LMAN2L: variants seen among roughly 807,000 people sequenced by gnomAD.
LMAN2L encodes VIP36-like protein.
Under a neutral mutation model 44.3 loss-of-function variants are expected in LMAN2L, and 30 were observed. The observed-to-expected ratio is 0.68, with a 90% CI of 0.51 to 0.92. LMAN2L has a LOEUF of 0.92. LMAN2L is among the 40% of genes least tolerant of loss of function. LMAN2L has a pLI of 0.00. For missense variants in LMAN2L, 429 were observed against 446.1 expected (o/e 0.96, Z 0.35); for synonymous variants, 183 against 171.1 (o/e 1.07, Z -0.54).
intron 4 of LMAN2L, among the ~76,000 whole-genome samples, chr2:96,724,476 ATCT>A (rs1464826835): frequency 6.6e-6 from 1 of 152,162 alleles, no homozygotes; most frequent in East Asian, 1.9e-4. Flanking sequence ...ATTTACATGG[ATCT>A]TCTTTAATTT....
intron 4 of LMAN2L, among the ~76,000 whole-genome samples, chr2:96,731,003 C>T (rs527779472): frequency 9.9e-5 from 15 of 152,258 alleles, no homozygotes; most frequent in African/African-American, 2.4e-4. Context: ...CTTAGGACCT[C>T]GGCTTTTTTC....
chr2:96,737,321 G>C, intron 2 of LMAN2L: 1 of 360,532 alleles, frequency 2.8e-6, no homozygotes, highest in Non-Finnish European at 5.3e-6. Flanking sequence ...GAAATAACAA[G>C]ATGGGGATGC....
At chr2:96,732,731 G>C (rs566225041) in intron 4 of LMAN2L, among the ~76,000 whole-genome samples, 11 of 150,862 alleles carry the variant, frequency 7.3e-5, no homozygotes, top group African/African-American at 2.4e-4. Context: ...CAGATACTAG[G>C]TTCCAACAAA....
At chr2:96,730,276 C>T (rs985117571) in intron 4 of LMAN2L, among the ~76,000 whole-genome samples, 2 of 152,078 alleles carry the variant, frequency 1.3e-5, no homozygotes, top group Non-Finnish European at 2.9e-5. Flanking sequence ...CCATTTCTAA[C>T]TACCACTATT....
intron 4 of LMAN2L, among the ~76,000 whole-genome samples, chr2:96,713,419 C>G (rs1332650939): frequency 6.6e-6 from 1 of 152,180 alleles, no homozygotes; most frequent in Non-Finnish European, 1.5e-5. Flanking sequence ...CCTAGGAAGA[C>G]CGCTCTAACC....
intron 2 of LMAN2L, among the ~76,000 whole-genome samples, chr2:96,735,582 T>C (rs1394904481): frequency 6.6e-6 from 1 of 152,174 alleles, no homozygotes; most frequent in East Asian, 1.9e-4. Context: ...CTCACGCCTG[T>C]AATCCCAGCA....
intron 6 of LMAN2L, among the ~76,000 whole-genome samples, chr2:96,710,534 C>T (rs1413402777): frequency 1.3e-5 from 2 of 151,964 alleles, no homozygotes; most frequent in African/African-American, 2.4e-5. Flanking sequence ...GGCGTGGTGG[C>T]GCGCCTGTAG....
Position 96,711,940 on chromosome 2 carries a change from C to T in LMAN2L, c.593G>A (p.Gly198Glu), listed in dbSNP as rs753320593. Residue 198 changes from glycine (G) to glutamate (E), a missense_variant, in exon 5 of 8, where the codon GGA becomes GAA. Coordinates refer to ENST00000264963, the MANE Select transcript of LMAN2L (RefSeq NM_030805.4). ...ATTGCGGACAATGGCTGTGCAGCCT[C>T]CCAGCTCTGTAGGCCGCCCATCCCG... is the stretch of plus-strand genomic sequence containing the variant. ...HERDGRPTEL[G>E]GCTAIVRNLH... The T allele has an allele frequency of 3.7e-6, 6 of 1,614,040 alleles. No homozygotes were observed. Among genetic ancestry groups the T allele is most frequent in the African/African-American group, 2.7e-5 (2 of 74,924 alleles).
At chr2:96,724,015 C>T (rs1183733053) in intron 4 of LMAN2L, among the ~76,000 whole-genome samples, 1 of 151,478 alleles carries the variant, frequency 6.6e-6, no homozygotes, top group South Asian at 2.1e-4. Context: ...AGGAGAATGG[C>T]GTGAACCCAG....
chr2:96,739,112 A>G (rs1407822239), intron 1 of LMAN2L, among the ~76,000 whole-genome samples: 2 of 152,236 alleles, frequency 1.3e-5, no homozygotes, highest in African/African-American at 4.8e-5. Context: ...AACTTCTTTA[A>G]GAATGAAAAC....
chr2:96,714,405 G>A (rs916413425), intron 4 of LMAN2L, among the ~76,000 whole-genome samples: 5 of 152,206 alleles, frequency 3.3e-5, no homozygotes, highest in Admixed American at 1.3e-4. Context: ...ATCCCCTGCC[G>A]TCCTCCTCTT....
intron 2 of LMAN2L, among the ~76,000 whole-genome samples, chr2:96,735,096 C>G (rs999511903): frequency 1.1e-4 from 16 of 152,190 alleles, no homozygotes; most frequent in Non-Finnish European, 1.6e-4. Context: ...CCAGAATTCT[C>G]ACAAGAAGAG....
chr2:96,720,806 G>T (rs1235031823), intron 4 of LMAN2L, among the ~76,000 whole-genome samples: 1 of 152,058 alleles, frequency 6.6e-6, no homozygotes, highest in Non-Finnish European at 1.5e-5. Context: ...AGGCGTGGTG[G>T]CAGGCACCTG....
At chr2:96,714,912 G>A (rs1202751466) in intron 4 of LMAN2L, among the ~76,000 whole-genome samples, 7 of 152,068 alleles carry the variant, frequency 4.6e-5, no homozygotes, top group Non-Finnish European at 8.8e-5. Context: ...AGTCTCATTC[G>A]TATGGCTAGA....
At chr2:96,726,521 G>A (rs772644370) in intron 4 of LMAN2L, among the ~76,000 whole-genome samples, 5 of 152,010 alleles carry the variant, frequency 3.3e-5, no homozygotes, top group African/African-American at 9.7e-5. Flanking sequence ...AGTAGCTCAC[G>A]CCTGTAATCC....
rs754259740 is a variant in LMAN2L at position 96,712,988 on chromosome 2, T to G, written c.508-963A>C. 45 of 781,500 alleles carry G rather than the reference T, an allele frequency of 5.8e-5. No individual in the cohort carries two copies. In the African/African-American group the frequency reaches 6.9e-4, roughly 12 times the overall value. The allele number at this position is 781,500 out of a possible 1,614,324, so 48.4% of individuals were successfully genotyped here. ...AAATGGTTAACATGCAAGATGGAGATGCAGTCGAGACCAGAGACCGGGGAC... is the reference window on the plus strand; with the variant it reads ...AAATGGTTAACATGCAAGATGGAGAGGCAGTCGAGACCAGAGACCGGGGAC... On this transcript the variant is annotated intron_variant, in intron 4 of 7. Transcript: ENST00000264963.
Position 96,711,681 on chromosome 2 carries a change from G to A in LMAN2L, c.759C>T (p.Thr253=), listed in dbSNP as rs2077919831. The change falls in exon 6 of 8, where the codon ACC becomes ACT. Residue 253 remains threonine, a synonymous_variant. Transcript: ENST00000264963. ...CTGAGAGATCCCCAGTGATGGAGGA[G>A]GTGCCGAAGTAGTAGCCGCGGGGCA... The part of the protein sequence containing the change: ...VRLPRGYYFG[T]SSITGDLSDN... 9.3e-6 allele frequency: 15 copies of A among 1,613,522 alleles called. No homozygotes were observed. Among genetic ancestry groups the A allele is most frequent in the Admixed American group, 1.7e-5 (1 of 60,008 alleles).
chr2:96,717,118 C>T (rs976685301), intron 4 of LMAN2L, among the ~76,000 whole-genome samples: 1 of 151,800 alleles, frequency 6.6e-6, no homozygotes, highest in Non-Finnish European at 1.5e-5. Flanking sequence ...CACACACACA[C>T]ACAAGTATTT....
At chr2:96,715,051 G>A (rs1010052051) in intron 4 of LMAN2L, among the ~76,000 whole-genome samples, 4 of 152,164 alleles carry the variant, frequency 2.6e-5, no homozygotes, top group Admixed American at 1.3e-4. Flanking sequence ...CAATTCTCCT[G>A]CCTCAGCCTT....
Sources: allele counts gnomAD v4.1 joint callset (sites outside exome capture counted in the v4.1 genomes callset), GRCh38; gene constraint gnomAD v4.1.1; transcripts MANE v1.5; gene names NCBI Gene and HGNC (gene_info 2026-07-23, HGNC 2026-07-21).